GRIA2: variants seen among roughly 807,000 people sequenced by gnomAD.
GRIA2 encodes the protein glutamate receptor 2.
In GRIA2, 14 loss-of-function variants were observed where a neutral mutation model predicts 97.3. That is an observed-to-expected ratio of 0.14 (90% CI 0.10 to 0.23). GRIA2 has a LOEUF of 0.23. Among genes scored for constraint, GRIA2 ranks in the 10% least tolerant of loss-of-function variants. The pLI, the probability that GRIA2 is intolerant of heterozygous loss-of-function variation, is 1.00. For missense variants in GRIA2, 558 were observed against 1,069.8 expected, an observed-to-expected ratio of 0.52 and a Z score of 6.67; for synonymous variants, 412 against 387.8, an observed-to-expected ratio of 1.06 and a Z score of -0.73.
chr4:157,262,803 T>A (rs1298163161), intron 2 of GRIA2, among the ~76,000 whole-genome samples: 3 of 152,024 alleles, frequency 2.0e-5, no homozygotes, highest in African/African-American at 7.2e-5. Flanking sequence ...AAGAGCAAAG[T>A]ACCGAAGTCA....
In GRIA2 at chr4:157,262,247, T is replaced by A. The variant is rs77321230; in HGVS notation, c.229+40440T>A. On this transcript the variant is annotated intron_variant, in intron 2 of 15. Transcript: ENST00000264426. ...ATAAGGAGACTTAATAAGCTTATTA[T>A]CTAAATTTTCATATGGAAGTTTGGT... Among the ~76,000 whole-genome samples, 468 of 152,190 alleles carry A rather than the reference T, an allele frequency of 3.1e-3. 7 individuals carry two copies. In the East Asian group the frequency reaches 0.05, roughly 16 times the overall value.
At chr4:157,355,963 GTATATTAATATATATA>G (rs1736313117) in intron 12 of GRIA2, among the ~76,000 whole-genome samples, 1 of 30,392 alleles carries the variant, frequency 3.3e-5, no homozygotes, top group African/African-American at 7.1e-5. Context: ...ATATATTTAT[GTATATTAATATATATA>G]TTTATATATT....
intron 4 of GRIA2, among the ~76,000 whole-genome samples, chr4:157,314,705 G>A (rs909997399): frequency 6.6e-6 from 1 of 152,064 alleles, no homozygotes; most frequent in African/African-American, 2.4e-5. Context: ...AAAAGCAAAC[G>A]GGAATATATT....
intron 2 of GRIA2, among the ~76,000 whole-genome samples, chr4:157,277,369 A>G (rs1579325609): frequency 6.6e-6 from 1 of 152,028 alleles, no homozygotes; most frequent in East Asian, 1.9e-4. Flanking sequence ...AATTCAAGTT[A>G]GGAGAAACAT....
chr4:157,222,566 A>G (rs1427186306), intron 2 of GRIA2, among the ~76,000 whole-genome samples: 1 of 152,172 alleles, frequency 6.6e-6, no homozygotes, highest in African/African-American at 2.4e-5. Flanking sequence ...CGAGGCCGCC[A>G]GGGGCGCCGC....
intron 2 of GRIA2, among the ~76,000 whole-genome samples, chr4:157,288,939 A>G (rs1732967646): frequency 6.6e-6 from 1 of 151,866 alleles, no homozygotes; most frequent in Admixed American, 6.6e-5. Context: ...AGTAAAATTG[A>G]GCCTTGCTTA....
At chr4:157,292,961 C>A (rs1310757301) in intron 2 of GRIA2, among the ~76,000 whole-genome samples, 1 of 151,922 alleles carries the variant, frequency 6.6e-6, no homozygotes, top group African/African-American at 2.4e-5. Context: ...AAGAGCAATG[C>A]GTACTGTCAA....
chr4:157,327,827 T>A (rs1432340812), intron 6 of GRIA2, among the ~76,000 whole-genome samples: 4 of 152,094 alleles, frequency 2.6e-5, no homozygotes, highest in African/African-American at 4.8e-5. Flanking sequence ...CCTAAGAGAG[T>A]TATTAGATCT....
chr4:157,227,195 C>G (rs570863353), intron 2 of GRIA2, among the ~76,000 whole-genome samples: 11 of 152,274 alleles, frequency 7.2e-5, no homozygotes, highest in Admixed American at 2.0e-4. Context: ...CTTCAACCTG[C>G]TGGCTCAAGA....
At chr4:157,308,584 C>T (rs1334197231) in intron 3 of GRIA2, among the ~76,000 whole-genome samples, 1 of 152,150 alleles carries the variant, frequency 6.6e-6, no homozygotes, top group Non-Finnish European at 1.5e-5. Flanking sequence ...TGAGTCTCTG[C>T]TATAGAAATT....
At chr4:157,312,641 G>T (rs371333839) in intron 3 of GRIA2, 38 bp from the exon 4 acceptor site, 9 of 1,150,762 alleles carry the variant, frequency 7.8e-6, no homozygotes, top group African/African-American at 1.6e-5. Context: ...AGTTATTCAC[G>T]TATCTTTATC....
chr4:157,282,097 C>A (rs1732632812), intron 2 of GRIA2, among the ~76,000 whole-genome samples: 1 of 152,106 alleles, frequency 6.6e-6, no homozygotes, highest in Admixed American at 6.6e-5. Flanking sequence ...TAGCAGTTTT[C>A]TACTGCCATT....
chr4:157,227,029 A>T (rs1729779487), intron 2 of GRIA2, among the ~76,000 whole-genome samples: 1 of 152,206 alleles, frequency 6.6e-6, no homozygotes, highest in African/African-American at 2.4e-5. Flanking sequence ...AGTGCGTATT[A>T]AGTAGAAATC....
At chr4:157,273,077 GATACAA>G (rs1732107394) in intron 2 of GRIA2, among the ~76,000 whole-genome samples, 1 of 151,880 alleles carries the variant, frequency 6.6e-6, no homozygotes, top group African/African-American at 2.4e-5. Flanking sequence ...CAATAAAAAT[GATACAA>G]ATAAAAATAT....
chr4:157,339,151 G>C (rs1237034343), intron 11 of GRIA2, among the ~76,000 whole-genome samples: 2 of 151,862 alleles, frequency 1.3e-5, no homozygotes, highest in Non-Finnish European at 2.9e-5. Context: ...GAAATTATGA[G>C]AGCAATATGC....
chr4:157,302,623 G>A (rs187276866), intron 2 of GRIA2, among the ~76,000 whole-genome samples: 131 of 152,222 alleles, frequency 8.6e-4, no homozygotes, highest in Admixed American at 3.2e-3. Flanking sequence ...ATGAATTAAT[G>A]TACCCTAGAA....
chr4:157,358,678 T>C lies in GRIA2; in HGVS notation c.2044-1218T>C, dbSNP rs1736499864. Among the ~76,000 whole-genome samples, 6 of 152,080 alleles carry C rather than the reference T, an allele frequency of 3.9e-5. No homozygotes were observed. In the South Asian group the frequency reaches 1.2e-3, roughly 31 times the overall value. On this transcript the variant is annotated intron_variant, in intron 12 of 15. Coordinates refer to ENST00000264426, the MANE Select transcript of GRIA2 (RefSeq NM_001083619.3). ...CAATGGTGACAGTGAGAAACACAACTTAAGTCTGAGCATCTCTGTTATGCT... is the reference window on the plus strand; with the variant it reads ...CAATGGTGACAGTGAGAAACACAACCTAAGTCTGAGCATCTCTGTTATGCT...
chr4:157,225,430 T>C (rs1234096365), intron 2 of GRIA2, among the ~76,000 whole-genome samples: 1 of 151,906 alleles, frequency 6.6e-6, no homozygotes, highest in Admixed American at 6.6e-5. Flanking sequence ...TTCCTGAAGG[T>C]TGTTCAAACG....
intron 2 of GRIA2, among the ~76,000 whole-genome samples, chr4:157,281,336 A>G (rs1049368920): frequency 3.3e-5 from 5 of 151,970 alleles, no homozygotes; most frequent in Non-Finnish European, 7.4e-5. Flanking sequence ...TTTTTTGGGT[A>G]CTCGGATCTG....
Sources: gnomAD v4.1 joint callset for allele counts (sites outside exome capture counted in the v4.1 genomes callset) on GRCh38, gnomAD v4.1.1 for gene constraint, MANE v1.5 for transcripts, NCBI Gene and HGNC (gene_info 2026-07-23, HGNC 2026-07-21) for gene names.